The following NCAM2 variants were observed in gnomAD, a reference collection of about 807,000 sequenced individuals.
NCAM2 encodes the protein N-CAM-2.
NCAM2 carries 30 observed loss-of-function variants against 98.1 expected under a neutral mutation model. The ratio of observed to expected loss-of-function variants is 0.31; its 90% confidence interval spans 0.23 to 0.41. NCAM2 has a LOEUF of 0.41. Among genes scored for constraint, NCAM2 ranks in the 10% least tolerant of loss-of-function variants. The pLI is 1.00. For missense variants in NCAM2, 867 were observed against 1,005.8 expected, an observed-to-expected ratio of 0.86 and a Z score of 1.87; for synonymous variants, 368 against 342.4, an observed-to-expected ratio of 1.07 and a Z score of -0.83.
At chr21:21,160,791 A>T (rs1177746100) in intron 1 of NCAM2, among the ~76,000 whole-genome samples, 1 of 152,050 alleles carries the variant, frequency 6.6e-6, no homozygotes, top group Non-Finnish European at 1.5e-5. Flanking sequence ...TGCATTTCAT[A>T]TACACCATGA....
chr21:21,075,343 A>T (rs1006735264), intron 1 of NCAM2, among the ~76,000 whole-genome samples: 2 of 152,316 alleles, frequency 1.3e-5, no homozygotes, highest in African/African-American at 4.8e-5. Flanking sequence ...TAATTTTTTT[A>T]AAAAAGGAAA....
chr21:21,462,948 C>G (rs1333849383), intron 12 of NCAM2, among the ~76,000 whole-genome samples: 2 of 152,116 alleles, frequency 1.3e-5, no homozygotes, highest in Non-Finnish European at 2.9e-5. Flanking sequence ...GATCTGCTTT[C>G]TCCTAATTCT....
chr21:21,178,264 C>T (rs900044501), intron 1 of NCAM2, among the ~76,000 whole-genome samples: 5 of 152,000 alleles, frequency 3.3e-5, no homozygotes, highest in Non-Finnish European at 7.4e-5. Flanking sequence ...GGCTGAATTT[C>T]GTTGGTACTC....
intron 17 of NCAM2, among the ~76,000 whole-genome samples, chr21:21,536,752 A>G (rs1990004825): frequency 6.6e-6 from 1 of 151,970 alleles, no homozygotes; most frequent in African/African-American, 2.4e-5. Context: ...AGGGAGAAAA[A>G]CCCATCTCCA....
intron 1 of NCAM2, among the ~76,000 whole-genome samples, chr21:21,131,313 G>A (rs1290347406): frequency 6.6e-6 from 1 of 151,648 alleles, no homozygotes; most frequent in Non-Finnish European, 1.5e-5. Context: ...AGCTCTTGGT[G>A]CCCAGGCTGA....
At chr21:21,425,776 G>A (rs372046244) in intron 11 of NCAM2, among the ~76,000 whole-genome samples, 2 of 152,174 alleles carry the variant, frequency 1.3e-5, no homozygotes, top group African/African-American at 4.8e-5. Context: ...TAAAAACTAG[G>A]TGAGTAGTGA....
chr21:21,233,990 T>C (rs1192257406), intron 1 of NCAM2, among the ~76,000 whole-genome samples: 1 of 151,784 alleles, frequency 6.6e-6, no homozygotes, highest in Non-Finnish European at 1.5e-5. Context: ...TACAGTACTC[T>C]ATTTAAGAGC....
At position 21,036,830 on chromosome 21, in the gene NCAM2, G is replaced by C. The variant is rs183066773; in HGVS notation, c.55+38212G>C. 1.4e-3 allele frequency among the ~76,000 whole-genome samples: 209 copies of C among 152,284 alleles called. 1 individual carries two copies. The highest frequency in any genetic ancestry group is 5.0e-3 in the African/African-American group (208 of 41,564). ...CTGCCCTCAGAAAGAATAGATGGTA[G>C]CCTGAAGTTGAGCTAATCTTTCCTA... On this transcript the variant is annotated intron_variant, in intron 1 of 17. Coordinates refer to ENST00000400546, the MANE Select transcript of NCAM2 (RefSeq NM_004540.5).
Position 21,542,055 on chromosome 21 carries a change from A to G in NCAM2, c.*4098A>G, listed in dbSNP as rs1990252745. ...AAATTAAATTATGGATGTCGCAGAA[A>G]TGAAATACTTCATCTTAGAAGGTAA... On this transcript the variant is annotated 3_prime_UTR_variant, in exon 18 of 18. Coordinates refer to ENST00000400546, the MANE Select transcript of NCAM2 (RefSeq NM_004540.5). The G allele has an allele frequency of 2.6e-5, 4 of 151,944 alleles. No homozygotes were observed. The South Asian group carries it at 8.3e-4, about 31-fold the overall frequency. 9.4% of individuals were successfully genotyped at this position (151,944 alleles called of 1,614,324 possible). A position where few individuals can be genotyped will look rare whatever the true frequency, so the allele number is the denominator to read the frequency against.
rs1369879302 is a variant in NCAM2 at position 21,508,912 on chromosome 21, G to A, written c.2139G>A (p.Leu713=). ...AVIGLGVAAL[L]LILVVTDVSC... is the part of the protein sequence containing the mutation. ...TTGGCCTGGGAGTTGCTGCACTGCTGCTAATTCTTGTGGTAACAGACGTCA... is the reference window on the plus strand; with the variant it reads ...TTGGCCTGGGAGTTGCTGCACTGCTACTAATTCTTGTGGTAACAGACGTCA... The change falls in exon 16 of 18, where the codon CTG becomes CTA. Residue 713 remains leucine (L), a synonymous_variant. Coordinates refer to ENST00000400546, the MANE Select transcript of NCAM2 (RefSeq NM_004540.5). The A allele has an allele frequency of 6.3e-7, 1 of 1,593,594 alleles. No homozygotes were observed. Among genetic ancestry groups the A allele is most frequent in the South Asian group, 1.1e-5 (1 of 90,722 alleles).
chr21:21,155,946 G>C (rs1305737653), intron 1 of NCAM2, among the ~76,000 whole-genome samples: 1 of 151,896 alleles, frequency 6.6e-6, no homozygotes, highest in Non-Finnish European at 1.5e-5. Flanking sequence ...ATTTAATTTG[G>C]CATGTGGAAC....
intron 1 of NCAM2, among the ~76,000 whole-genome samples, chr21:21,130,344 G>A (rs1186576020): frequency 6.6e-6 from 1 of 152,066 alleles, no homozygotes; most frequent in South Asian, 2.1e-4. Flanking sequence ...TTTATTAAAT[G>A]TAGTTAATAA....
chr21:21,342,860 G>T (rs1404289670), intron 8 of NCAM2, among the ~76,000 whole-genome samples: 1 of 152,012 alleles, frequency 6.6e-6, no homozygotes, highest in African/African-American at 2.4e-5. Context: ...ATTTTCCCAG[G>T]CTTGTAGATG....
chr21:21,414,252 C>A (rs1262268301), intron 10 of NCAM2, among the ~76,000 whole-genome samples: 1 of 152,186 alleles, frequency 6.6e-6, no homozygotes. Context: ...AAGTCTTGAA[C>A]CCCTCAAAGT....
At chr21:21,110,416 C>G (rs1469127817) in intron 1 of NCAM2, among the ~76,000 whole-genome samples, 3 of 151,984 alleles carry the variant, frequency 2.0e-5, no homozygotes, top group Non-Finnish European at 4.4e-5. Flanking sequence ...AAACATGAAG[C>G]TGGCTGGGTC....
intron 17 of NCAM2, among the ~76,000 whole-genome samples, chr21:21,536,016 T>C (rs911545408): frequency 6.6e-6 from 1 of 152,162 alleles, no homozygotes; most frequent in African/African-American, 2.4e-5. Context: ...TAATCAGAAC[T>C]CTTTCTCTAC....
rs71195320 is a variant in NCAM2 at position 21,331,514 on chromosome 21, T to TATATATATATATATATATATATATA, written c.738-3991_738-3990insATATATATATATATATATATATATA. On this transcript the variant is annotated intron_variant, in intron 6 of 17. Transcript: ENST00000400546. Reference sequence around the variant, plus strand: ...TAGTATATATACTCTATACTCTCTCTCTCTATATATATATATATATACTCT... The same window carrying TATATATATATATATATATATATATA: ...TAGTATATATACTCTATACTCTCTCTATATATATATATATATATATATATACTCTATATATATATATATATACTCT... 7.3e-3 allele frequency among the ~76,000 whole-genome samples: 35 copies of TATATATATATATATATATATATATA among 4,774 alleles called. 8 individuals are homozygous for TATATATATATATATATATATATATA. The highest frequency in any genetic ancestry group is 0.013 in the Non-Finnish European group (25 of 1,954). The allele number at this position is 4,774 out of a possible 152,430, so 3.1% of individuals were successfully genotyped here. A position where few individuals can be genotyped will look rare whatever the true frequency, so the allele number is the denominator to read the frequency against.
intron 15 of NCAM2, among the ~76,000 whole-genome samples, chr21:21,495,663 C>T (rs565996886): frequency 1.3e-5 from 2 of 152,130 alleles, no homozygotes; most frequent in East Asian, 3.9e-4. Flanking sequence ...CCAATGCCCA[C>T]CAATCACCTC....
chr21:21,112,297 C>A (rs1477842364), intron 1 of NCAM2, among the ~76,000 whole-genome samples: 1 of 152,076 alleles, frequency 6.6e-6, no homozygotes, highest in Admixed American at 6.6e-5. Flanking sequence ...TTTCAGTTTG[C>A]ATTCTGCTCT....
Sources: gnomAD v4.1 joint callset for allele counts (sites outside exome capture counted in the v4.1 genomes callset) on GRCh38, gnomAD v4.1.1 for gene constraint, MANE v1.5 for transcripts, NCBI Gene and HGNC (gene_info 2026-07-23, HGNC 2026-07-21) for gene names.